DLGAP4: variants seen among roughly 807,000 people sequenced by gnomAD.
The protein encoded by DLGAP4 is DLG associated protein 4.
A neutral mutation model predicts 86.9 loss-of-function variants in DLGAP4; 18 were observed. The ratio of observed to expected loss-of-function variants is 0.21; its 90% confidence interval spans 0.14 to 0.31. The LOEUF is 0.31. Among genes scored for constraint, DLGAP4 ranks in the 10% least tolerant of loss-of-function variants. The pLI is 1.00. For synonymous variants in DLGAP4, 548 were observed against 574.3 expected (o/e 0.95, Z 0.65); for missense variants, 1,085 against 1,362.6 (o/e 0.80, Z 3.21).
intron 8 of DLGAP4, 110 bp from the exon 9 acceptor site, chr20:36,499,478 C>A: frequency 1.5e-6 from 2 of 1,375,692 alleles, no homozygotes; most frequent in Non-Finnish European, 2.0e-6. Flanking sequence ...TGTCTGTCCA[C>A]ACGTCCGTTT....
At chr20:36,402,157 T>C (rs2032181969) in intron 2 of DLGAP4, among the ~76,000 whole-genome samples, 1 of 152,178 alleles carries the variant, frequency 6.6e-6, no homozygotes, top group South Asian at 2.1e-4. Context: ...GATGCAAACC[T>C]GGCCCCAGGT....
intron 2 of DLGAP4, among the ~76,000 whole-genome samples, chr20:36,401,700 G>A (rs1026710800): frequency 1.3e-5 from 2 of 152,140 alleles, no homozygotes; most frequent in African/African-American, 4.8e-5. Flanking sequence ...CTGGGAAGAG[G>A]GCAGCAACAA....
In DLGAP4 at chr20:36,500,450, T is replaced by C; in HGVS notation, c.2351T>C (p.Leu784Pro). The C allele has an allele frequency of 6.3e-7, 1 of 1,582,626 alleles. No homozygotes were observed. The highest frequency in any genetic ancestry group is 8.6e-7 in the Non-Finnish European group (1 of 1,162,792). Residue 784 changes from leucine (L) to proline (P), a missense_variant, in exon 10 of 13, where the codon CTC (leucine) becomes CCC (proline). Physicochemically the swap from Leu to Pro is moderately conservative, Grantham distance 98 (BLOSUM62 -3). Transcript: ENST00000339266. This position sits in a 1 kb window ranked among gnomAD's most constrained non-coding sequence, Gnocchi z 4.6. ...TCGCTGCCCCCACCCGACCCCTGGC[T>C]CGAGACCTCCTCCAGCTCCCCAGCA... is the stretch of plus-strand genomic sequence containing the variant. ...ASSLPPPDPW[L>P]ETSSSSPAEP... is the part of the protein sequence containing the mutation.
rs1421794033 is a variant in DLGAP4 at position 36,522,419 on chromosome 20, C to CTAAAG, written c.2513-1828_2513-1824dup. On this transcript the variant is annotated intron_variant, in intron 10 of 12. Coordinates refer to ENST00000339266, the MANE Select transcript of DLGAP4 (RefSeq NM_001365621.2). ...AAGTGATCCTCCTGCCTCAAGCCTC[C>CTAAAG]TAAAGTACTGGGATTATAGGTCTGA... Among the ~76,000 whole-genome samples the CTAAAG allele has an allele frequency of 4.6e-5, 7 of 152,272 alleles. No individual in the cohort carries two copies. The South Asian group carries it at 6.2e-4, about 14-fold the overall frequency.
intron 8 of DLGAP4, 97 bp from the exon 9 acceptor site, chr20:36,499,491 G>T: frequency 7.1e-7 from 1 of 1,416,818 alleles, no homozygotes; most frequent in South Asian, 1.2e-5. Flanking sequence ...GTCCGTTTGC[G>T]TCGTCCCACT....
intron 8 of DLGAP4, chr20:36,497,692 G>A: frequency 1.0e-6 from 1 of 973,268 alleles, no homozygotes; most frequent in Non-Finnish European, 1.2e-6. Flanking sequence ...CCAGGCGATG[G>A]TTCCCCAGGG....
intron 2 of DLGAP4, among the ~76,000 whole-genome samples, chr20:36,426,476 C>G (rs942797404): frequency 1.3e-5 from 2 of 151,936 alleles, no homozygotes; most frequent in African/African-American, 4.8e-5. Flanking sequence ...GATCGCACCA[C>G]CGCACTCCAG....
intron 2 of DLGAP4, among the ~76,000 whole-genome samples, chr20:36,371,633 G>A (rs1166105307): frequency 6.6e-6 from 1 of 152,204 alleles, no homozygotes; most frequent in African/African-American, 2.4e-5. Flanking sequence ...ATCACCACGG[G>A]ACCAGTTAAA....
intron 1 of DLGAP4, among the ~76,000 whole-genome samples, chr20:36,328,678 G>T (rs1444341197): frequency 2.0e-5 from 3 of 151,994 alleles, no homozygotes; most frequent in Non-Finnish European, 2.9e-5. Context: ...GCCCAGGCTG[G>T]AGTGCAGTGG....
rs187992273 is a variant in DLGAP4 at position 36,382,570 on chromosome 20, C to T, written c.-73+15295C>T. Among the ~76,000 whole-genome samples the T allele has an allele frequency of 3.8e-3, 538 of 141,494 alleles. 7 individuals carry two copies. The highest frequency in any genetic ancestry group is 0.013 in the African/African-American group (504 of 37,782). The allele number at this position is 141,494 out of a possible 152,430, so 92.8% of individuals were successfully genotyped here. On this transcript the variant is annotated intron_variant, in intron 2 of 12. Coordinates refer to ENST00000339266, the MANE Select transcript of DLGAP4 (RefSeq NM_001365621.2). ...TTTGAGACAGAGTCTCACTCTGTCA[C>T]CCAGGCTGGAGTGCAGTGGCACGAT...
rs749843319 is a variant in DLGAP4 at position 36,432,130 on chromosome 20, G to A, written c.413G>A (p.Arg138His). Residue 138 changes from arginine to histidine, a missense_variant, in exon 3 of 13, where the codon CGC (arginine) becomes CAC (histidine). This residue lies in a region of DLGAP4 where 1,082 missense variants were observed against 1,344.1 expected (regional missense o/e 0.81). Transcript: ENST00000339266. This position sits in a 1 kb window ranked among gnomAD's most constrained non-coding sequence, Gnocchi z 6.5. ...EAKARGESPG[R>H]IRHLVHSVQR... Reference sequence around the variant, plus strand: ...AAGGCCCGTGGTGAGAGCCCTGGCCGCATCCGCCACCTGGTCCACTCAGTC... The same window carrying A: ...AAGGCCCGTGGTGAGAGCCCTGGCCACATCCGCCACCTGGTCCACTCAGTC... 6.8e-6 allele frequency: 11 copies of A among 1,614,064 alleles called. No individual in the cohort carries two copies. The highest frequency in any genetic ancestry group is 8.5e-6 in the Non-Finnish European group (10 of 1,180,046).
At chr20:36,484,955 A>G (rs1176373656) in intron 7 of DLGAP4, among the ~76,000 whole-genome samples, 1 of 152,202 alleles carries the variant, frequency 6.6e-6, no homozygotes, top group Non-Finnish European at 1.5e-5. Flanking sequence ...TGATTCTTCT[A>G]TTGATATATA....
chr20:36,525,935 A>C lies in DLGAP4; in HGVS notation c.2689A>C (p.Met897Leu). The change falls in exon 12 of 13, where the codon ATG becomes CTG. Residue 897 changes from methionine to leucine, a missense_variant. This residue lies in a region of DLGAP4 where 1,082 missense variants were observed against 1,344.1 expected (regional missense o/e 0.81). Transcript: ENST00000339266. ...ACAGCTGTCCATCGAGGATATCAGC[A>C]TGAAGTTCGATGAACTCTACCACCT... ...LLQLSIEDIS[M>L]KFDELYHLKA... 6.2e-7 allele frequency: 1 copy of C among 1,613,942 alleles called. No individual in the cohort carries two copies. Among genetic ancestry groups the C allele is most frequent in the Non-Finnish European group, 8.5e-7 (1 of 1,179,970 alleles).
chr20:36,314,857 G>T (rs1255576219), intron 1 of DLGAP4, among the ~76,000 whole-genome samples: 1 of 141,894 alleles, frequency 7.0e-6, no homozygotes, highest in African/African-American at 2.6e-5. Flanking sequence ...GCTATGATGT[G>T]TGTGATGTGG....
intron 1 of DLGAP4, among the ~76,000 whole-genome samples, chr20:36,330,864 C>T (rs543140724): frequency 9.8e-5 from 15 of 152,338 alleles, no homozygotes; most frequent in Middle Eastern, 3.4e-3. Flanking sequence ...TGAGCCGCCA[C>T]GCCCGGCCGA....
At chr20:36,335,392 C>T (rs1169649859) in intron 1 of DLGAP4, among the ~76,000 whole-genome samples, 10 of 152,096 alleles carry the variant, frequency 6.6e-5, no homozygotes, top group African/African-American at 1.4e-4. Context: ...CTTAAATGGC[C>T]GCAGCCTCTG....
At chr20:36,422,233 A>T (rs547855763) in intron 2 of DLGAP4, among the ~76,000 whole-genome samples, 1 of 152,260 alleles carries the variant, frequency 6.6e-6, no homozygotes, top group East Asian at 1.9e-4. Context: ...ACTGCTATGT[A>T]CACCCCCAGA....
chr20:36,504,352 T>G (rs1488604703), intron 10 of DLGAP4, among the ~76,000 whole-genome samples: 1 of 152,054 alleles, frequency 6.6e-6, no homozygotes, highest in Admixed American at 6.5e-5. Context: ...GTTACAGCAT[T>G]TTCATTTTTA....
intron 7 of DLGAP4, among the ~76,000 whole-genome samples, chr20:36,491,585 G>A (rs1171124997): frequency 6.6e-6 from 1 of 152,032 alleles, no homozygotes; most frequent in Admixed American, 6.6e-5. Context: ...GCACGGAGGT[G>A]TGCCGTGTTT....
Sources: gnomAD v4.1 joint callset for allele counts (sites outside exome capture counted in the v4.1 genomes callset) on GRCh38, gnomAD v4.1.1 for gene constraint, gnomAD v4.1.1 regional missense constraint, Gnocchi (gnomAD v3.1) non-coding constraint, MANE v1.5 for transcripts, NCBI Gene and HGNC (gene_info 2026-07-23, HGNC 2026-07-21) for gene names.